The following KCNQ5 variants were observed in gnomAD, a reference collection of about 807,000 sequenced individuals.
The protein encoded by KCNQ5 is potassium voltage-gated channel subfamily Q member 5, also known as potassium voltage-gated channel subfamily KQT member 5.
A neutral mutation model predicts 98.2 loss-of-function variants in KCNQ5; 30 were observed. The observed-to-expected ratio is 0.31, with a 90% confidence interval of 0.23 to 0.41. The LOEUF (loss-of-function observed/expected upper bound fraction) is 0.41, where lower values mean the gene tolerates loss of function less well. Ranked by LOEUF, KCNQ5 falls within the 10% of genes least tolerant of loss-of-function variation. KCNQ5 has a pLI of 1.00. For synonymous variants in KCNQ5, 458 were observed against 449.4 expected, an observed-to-expected ratio of 1.02 and a Z score of -0.24; for missense variants, 835 against 1,182.5, an observed-to-expected ratio of 0.71 and a Z score of 4.31.
chr6:72,750,938 T>A (rs1325945503), intron 1 of KCNQ5, among the ~76,000 whole-genome samples: 1 of 152,028 alleles, frequency 6.6e-6, no homozygotes, highest in African/African-American at 2.4e-5. Flanking sequence ...TTAAAAAAGA[T>A]ACATCTTCTG....
intron 1 of KCNQ5, among the ~76,000 whole-genome samples, chr6:72,624,056 A>T (rs2098916889): frequency 6.6e-6 from 1 of 152,232 alleles, no homozygotes; most frequent in Non-Finnish European, 1.5e-5. Context: ...CATTAGGCAG[A>T]ATATTCCAGC....
At chr6:72,958,175 A>C (rs1337858042) in intron 1 of KCNQ5, among the ~76,000 whole-genome samples, 1 of 152,140 alleles carries the variant, frequency 6.6e-6, no homozygotes, top group Admixed American at 6.5e-5. Flanking sequence ...CAAACTGCCC[A>C]TTACAAGAGA....
At chr6:72,657,464 A>G (rs1276249019) in intron 1 of KCNQ5, among the ~76,000 whole-genome samples, 1 of 152,162 alleles carries the variant, frequency 6.6e-6, no homozygotes, top group East Asian at 1.9e-4. Flanking sequence ...TACTTTTTCA[A>G]TGAAATATAT....
chr6:72,646,237 GT>G, intron 1 of KCNQ5, among the ~76,000 whole-genome samples: 1 of 151,664 alleles, frequency 6.6e-6, no homozygotes. Context: ...AAATATGTTT[GT>G]ATACATATAC....
At chr6:73,034,922 T>A (rs1210993196) in intron 2 of KCNQ5, among the ~76,000 whole-genome samples, 1 of 148,766 alleles carries the variant, frequency 6.7e-6, no homozygotes, top group Non-Finnish European at 1.5e-5. Flanking sequence ...CTCGGCTCAC[T>A]GCAAGCTCCG....
At chr6:72,698,462 CA>C (rs1768618328) in intron 1 of KCNQ5, among the ~76,000 whole-genome samples, 1 of 151,976 alleles carries the variant, frequency 6.6e-6, no homozygotes, top group Admixed American at 6.6e-5. Context: ...TTCGGCCTCC[CA>C]AAATGCTGGG....
intron 10 of KCNQ5, among the ~76,000 whole-genome samples, chr6:73,151,455 T>C (rs920663628): frequency 6.6e-6 from 1 of 152,228 alleles, no homozygotes; most frequent in Non-Finnish European, 1.5e-5. Flanking sequence ...TGTAAGTCAC[T>C]ATAGTTTTTT....
intron 10 of KCNQ5, among the ~76,000 whole-genome samples, chr6:73,146,575 C>T (rs1197099885): frequency 7.4e-6 from 1 of 134,862 alleles, no homozygotes; most frequent in Non-Finnish European, 1.5e-5. Flanking sequence ...TGCAGTGAGC[C>T]ATGATCGCAT....
intron 1 of KCNQ5, among the ~76,000 whole-genome samples, chr6:72,624,642 C>T (rs1353685534): frequency 6.6e-6 from 1 of 152,184 alleles, no homozygotes; most frequent in East Asian, 1.9e-4. Flanking sequence ...ATCAGTCTAG[C>T]AGTATCTTTA....
intron 1 of KCNQ5, among the ~76,000 whole-genome samples, chr6:72,788,802 T>C (rs1773885268): frequency 6.6e-6 from 1 of 152,200 alleles, no homozygotes; most frequent in African/African-American, 2.4e-5. Flanking sequence ...CTTCAAAGGC[T>C]TTTTAAGTTT....
intron 1 of KCNQ5, among the ~76,000 whole-genome samples, chr6:72,889,764 A>G (rs376473284): frequency 2.0e-4 from 30 of 152,336 alleles, no homozygotes; most frequent in African/African-American, 7.0e-4. Context: ...TTTCTGAATT[A>G]CTCTGATTTG....
chr6:73,004,330 C>T (rs986609117), intron 2 of KCNQ5, among the ~76,000 whole-genome samples: 8 of 152,154 alleles, frequency 5.3e-5, no homozygotes, highest in Non-Finnish European at 1.0e-4. Flanking sequence ...TCTATGAGGC[C>T]TCTCATTATA....
chr6:72,953,158 G>A (rs531691799), intron 1 of KCNQ5, among the ~76,000 whole-genome samples: 20 of 152,236 alleles, frequency 1.3e-4, no homozygotes, highest in African/African-American at 4.6e-4. Context: ...CCCTGCCCTC[G>A]TGGACCTTAC....
intron 10 of KCNQ5, among the ~76,000 whole-genome samples, chr6:73,148,247 TA>T (rs1776999810): frequency 6.6e-6 from 1 of 152,206 alleles, no homozygotes; most frequent in Non-Finnish European, 1.5e-5. Context: ...TGCTAGCCAG[TA>T]AGTAAGGTTA....
chr6:72,646,145 A>G (rs1765583516), intron 1 of KCNQ5, among the ~76,000 whole-genome samples: 2 of 152,146 alleles, frequency 1.3e-5, no homozygotes, highest in Admixed American at 1.3e-4. Context: ...AAATAATTCA[A>G]ATCTCTGTAT....
chr6:72,707,697 T>G (rs1276862113), intron 1 of KCNQ5, among the ~76,000 whole-genome samples: 1 of 152,184 alleles, frequency 6.6e-6, no homozygotes, highest in East Asian at 1.9e-4. Context: ...TGTGCACATG[T>G]TTAACCATTC....
chr6:73,174,747 G>A (rs1002802165), intron 11 of KCNQ5, among the ~76,000 whole-genome samples: 5 of 152,164 alleles, frequency 3.3e-5, no homozygotes, highest in African/African-American at 4.8e-5. Flanking sequence ...TTCCTCACTG[G>A]CAAACTGGGG....
chr6:73,014,698 T>A (rs1770236995), intron 2 of KCNQ5, among the ~76,000 whole-genome samples: 1 of 152,152 alleles, frequency 6.6e-6, no homozygotes, highest in Admixed American at 6.6e-5. Flanking sequence ...TGGAGCTTAC[T>A]ATTTAAAGAA....
intron 1 of KCNQ5, among the ~76,000 whole-genome samples, chr6:72,762,258 T>C (rs1772326067): frequency 6.6e-6 from 1 of 152,008 alleles, no homozygotes; most frequent in Admixed American, 6.6e-5. Flanking sequence ...TGGTTAACTT[T>C]ACAGATTTTA....
Sources: gnomAD v4.1 joint callset for allele counts (sites outside exome capture counted in the v4.1 genomes callset) on GRCh38, gnomAD v4.1.1 for gene constraint, MANE v1.5 for transcripts, NCBI Gene and HGNC (gene_info 2026-07-23, HGNC 2026-07-21) for gene names.